PTPRA: variants seen among roughly 807,000 people sequenced by gnomAD.
PTPRA encodes the protein protein tyrosine phosphatase receptor type A, also known as receptor-type tyrosine-protein phosphatase alpha.
A neutral mutation model predicts 104.8 loss-of-function variants in PTPRA; 25 were observed. The ratio of observed to expected loss-of-function variants is 0.24; its 90% CI spans 0.17 to 0.33. The LOEUF is 0.33. Among genes scored for constraint, PTPRA ranks in the 10% least tolerant of loss-of-function variants. The pLI, the probability that PTPRA is intolerant of heterozygous loss-of-function variation, is 1.00. For synonymous variants in PTPRA, 323 were observed against 368.9 expected (o/e 0.88, Z 1.43); for missense variants, 765 against 1,015.3 (o/e 0.75, Z 3.35).
At chr20:3,032,584 GGC>G (rs1568710489) in intron 20 of PTPRA, among the ~76,000 whole-genome samples, 9 of 151,772 alleles carry the variant, frequency 5.9e-5, no homozygotes, top group South Asian at 2.1e-4. Flanking sequence ...TGGCCAACAT[GGC>G]AAAACCCCAT....
intron 5 of PTPRA, among the ~76,000 whole-genome samples, chr20:2,970,071 C>T (rs1205679861): frequency 6.6e-6 from 1 of 152,066 alleles, no homozygotes; most frequent in African/African-American, 2.4e-5. Flanking sequence ...TTGATTTCTG[C>T]ATATTGCTTT....
chr20:2,930,538 A>G (rs1600130026), intron 2 of PTPRA, among the ~76,000 whole-genome samples: 1 of 152,146 alleles, frequency 6.6e-6, no homozygotes, highest in Admixed American at 6.5e-5. Flanking sequence ...TGGAGGCCCA[A>G]AGTCAAGGTG....
At chr20:2,868,269 A>G in the PTPRA span, among the ~76,000 whole-genome samples, 1 of 149,074 alleles carries the variant, frequency 6.7e-6, no homozygotes, top group Non-Finnish European at 1.5e-5. Context: ...GCAGTAATAC[A>G]GGCCCACCCC....
At chr20:2,899,391 T>C (rs1052280304) in intron 1 of PTPRA, among the ~76,000 whole-genome samples, 12 of 152,002 alleles carry the variant, frequency 7.9e-5, no homozygotes, top group Admixed American at 2.6e-4. Flanking sequence ...CAGGACCACA[T>C]GGGGAAGCAC....
intron 2 of PTPRA, among the ~76,000 whole-genome samples, chr20:2,946,274 C>T (rs1369510426): frequency 6.6e-6 from 1 of 151,998 alleles, no homozygotes; most frequent in Admixed American, 6.6e-5. Flanking sequence ...AATGAGCTTT[C>T]CCCCCAACCC....
At chr20:2,893,749 CCTT>C (rs1395624779) in intron 1 of PTPRA, among the ~76,000 whole-genome samples, 1 of 152,144 alleles carries the variant, frequency 6.6e-6, no homozygotes, top group Non-Finnish European at 1.5e-5. Flanking sequence ...TGGCACATGA[CCTT>C]CTAACCCAGT....
At chr20:2,875,092 A>G (rs1290003444) in intron 1 of PTPRA, among the ~76,000 whole-genome samples, 1 of 152,116 alleles carries the variant, frequency 6.6e-6, no homozygotes, top group Non-Finnish European at 1.5e-5. Context: ...TGTCTTGTAG[A>G]TTCTTTCCAA....
At chr20:2,865,331 C>G in the PTPRA span, 9 of 1,614,132 alleles carry the variant, frequency 5.6e-6, no homozygotes, top group Non-Finnish European at 7.6e-6. The surrounding 1 kb of genome is among the most constrained non-coding windows in gnomAD (Gnocchi z 5.2). Flanking sequence ...GGTGAGGGCC[C>G]AGGCTGCATG....
intron 20 of PTPRA, among the ~76,000 whole-genome samples, chr20:3,028,774 A>G (rs1296665686): frequency 6.6e-6 from 1 of 152,190 alleles, no homozygotes; most frequent in Non-Finnish European, 1.5e-5. Context: ...TGGTCTTCCT[A>G]AAGCAATTGA....
intron 1 of PTPRA, among the ~76,000 whole-genome samples, chr20:2,903,050 G>A (rs2059294922): frequency 1.3e-5 from 2 of 152,104 alleles, no homozygotes; most frequent in African/African-American, 4.8e-5. Flanking sequence ...TGCAGTTTGA[G>A]TGTTCCTAAT....
At chr20:2,913,625 T>C (rs1453078675) in intron 1 of PTPRA, among the ~76,000 whole-genome samples, 1 of 151,516 alleles carries the variant, frequency 6.6e-6, no homozygotes, top group African/African-American at 2.4e-5. Context: ...AGATTCAGAT[T>C]ATGCATTTTA....
chr20:2,979,883 A>G (rs1404076144), intron 6 of PTPRA, among the ~76,000 whole-genome samples: 1 of 147,552 alleles, frequency 6.8e-6, no homozygotes, highest in Non-Finnish European at 1.5e-5. Context: ...CCTCCTAATC[A>G]TGTTGGTGTT....
intron 2 of PTPRA, among the ~76,000 whole-genome samples, chr20:2,944,648 C>T (rs932629074): frequency 3.3e-5 from 5 of 152,184 alleles, no homozygotes; most frequent in Admixed American, 3.3e-4. Context: ...TAAACTTCAC[C>T]TGTTGATAGG....
chr20:2,988,275 G>A lies in PTPRA; in HGVS notation c.602-63G>A, dbSNP rs1174332603. 3.8e-6 allele frequency: 6 copies of A among 1,560,150 alleles called. No individual in the cohort carries two copies. In the Admixed American group the frequency reaches 6.4e-5, roughly 17 times the overall value. On this transcript the variant is annotated intron_variant, in intron 8 of 23. Coordinates refer to ENST00000399903, the MANE Select transcript of PTPRA (RefSeq NM_001385305.1). Reference sequence around the variant, plus strand: ...GGTCCATGAGGTAGAACCCCGTTTAGCCTCCAGAAGAGGGGCTAGGTTCTC... The same window carrying A: ...GGTCCATGAGGTAGAACCCCGTTTAACCTCCAGAAGAGGGGCTAGGTTCTC...
At chr20:2,989,973 T>C (rs577024746) in intron 9 of PTPRA, among the ~76,000 whole-genome samples, 58 of 152,240 alleles carry the variant, frequency 3.8e-4, no homozygotes, top group South Asian at 1.2e-3. Context: ...GCCGAGATCA[T>C]GCTACTGCAC....
Position 3,035,464 on chromosome 20 carries a change from G to T in PTPRA, c.1921-121G>T. Reference sequence around the variant, plus strand: ...GATCCTGCAAGTTTTCAATACCTTGGGGACGAAGCGTATCAGCGTAAGAGG... The same window carrying T: ...GATCCTGCAAGTTTTCAATACCTTGTGGACGAAGCGTATCAGCGTAAGAGG... On this transcript the variant is annotated intron_variant, in intron 20 of 23. Coordinates refer to ENST00000399903, the MANE Select transcript of PTPRA (RefSeq NM_001385305.1). The surrounding 1 kb of genome is among the most constrained non-coding windows in gnomAD (Gnocchi z 5.8). 8.5e-7 allele frequency: 1 copy of T among 1,171,756 alleles called. No homozygotes were observed. Among genetic ancestry groups the T allele is most frequent in the East Asian group, 2.4e-5 (1 of 41,662 alleles). The allele number at this position is 1,171,756 out of a possible 1,614,324, so 72.6% of individuals were successfully genotyped here. A position where few individuals can be genotyped will look rare whatever the true frequency, so the allele number is the denominator to read the frequency against.
At chr20:2,909,203 C>A (rs998934024) in intron 1 of PTPRA, among the ~76,000 whole-genome samples, 19 of 152,118 alleles carry the variant, frequency 1.2e-4, no homozygotes, top group African/African-American at 3.4e-4. Context: ...GAGGGAAGAT[C>A]CCTTGAGTCT....
chr20:2,989,522 C>T (rs1178248665), intron 9 of PTPRA, among the ~76,000 whole-genome samples: 1 of 152,078 alleles, frequency 6.6e-6, no homozygotes, highest in Non-Finnish European at 1.5e-5. Context: ...GGGGAGCCTT[C>T]CAGCCACTGG....
At chr20:2,929,404 A>C (rs1022652279) in intron 2 of PTPRA, among the ~76,000 whole-genome samples, 1 of 152,168 alleles carries the variant, frequency 6.6e-6, no homozygotes, top group Non-Finnish European at 1.5e-5. Context: ...GTGTGTTCAC[A>C]CATTCCTTTT....
Sources: gnomAD v4.1 joint callset for allele counts (sites outside exome capture counted in the v4.1 genomes callset) on GRCh38, gnomAD v4.1.1 for gene constraint, Gnocchi (gnomAD v3.1) non-coding constraint, MANE v1.5 for transcripts, NCBI Gene and HGNC (gene_info 2026-07-23, HGNC 2026-07-21) for gene names.